NACC2: variants seen among roughly 807,000 people sequenced by gnomAD.
NACC2 encodes the protein NACC family member 2.
A neutral mutation model predicts 25.1 loss-of-function variants in NACC2; 8 were observed. That is an observed-to-expected ratio of 0.32 (90% CI 0.19 to 0.57). The LOEUF (loss-of-function observed/expected upper bound fraction) is 0.57. Among genes scored for constraint, NACC2 ranks in the 20% least tolerant of loss-of-function variants. The pLI is 0.89. For synonymous variants in NACC2, 435 were observed against 294.7 expected, an observed-to-expected ratio of 1.48 and a Z score of -4.88; for missense variants, 644 against 650.2, an observed-to-expected ratio of 0.99 and a Z score of 0.10.
chr9:136,053,731 G>A (rs1196684961), intron 1 of NACC2, among the ~76,000 whole-genome samples: 2 of 152,246 alleles, frequency 1.3e-5, no homozygotes, highest in Non-Finnish European at 2.9e-5. Context: ...CGTGGCTTCT[G>A]TTGTGGGCAA....
chr9:136,043,834 T>C (rs1840681811), intron 2 of NACC2, among the ~76,000 whole-genome samples: 1 of 152,140 alleles, frequency 6.6e-6, no homozygotes, highest in Non-Finnish European at 1.5e-5. Context: ...TTGGTTTTTG[T>C]TTTTTGGTTG....
chr9:136,058,064 A>C (rs998228875), intron 1 of NACC2, among the ~76,000 whole-genome samples: 1 of 152,142 alleles, frequency 6.6e-6, no homozygotes, highest in Non-Finnish European at 1.5e-5. Context: ...ACTCTCATGT[A>C]AATCAGAGCG....
At chr9:136,053,635 T>C (rs1399455895) in intron 1 of NACC2, among the ~76,000 whole-genome samples, 30 of 152,264 alleles carry the variant, frequency 2.0e-4, no homozygotes, top group Admixed American at 1.8e-3. Flanking sequence ...GAGGGGCCTG[T>C]GCAACACAGC....
chr9:136,017,981 C>T (rs915226109), intron 2 of NACC2, among the ~76,000 whole-genome samples: 3 of 152,156 alleles, frequency 2.0e-5, no homozygotes, highest in Non-Finnish European at 2.9e-5. Flanking sequence ...GGCATGGTCC[C>T]CTCGGCAGCC....
At chr9:136,081,241 G>A (rs560947890) in intron 1 of NACC2, among the ~76,000 whole-genome samples, 26 of 152,246 alleles carry the variant, frequency 1.7e-4, no homozygotes, top group Non-Finnish European at 1.5e-5. Flanking sequence ...CAGTCCCGAC[G>A]GGCACTGGGG....
At chr9:136,094,527 G>GC (rs1018791714) in intron 1 of NACC2, among the ~76,000 whole-genome samples, 5 of 152,074 alleles carry the variant, frequency 3.3e-5, no homozygotes, top group South Asian at 4.1e-4. Flanking sequence ...AGGAGCTGGG[G>GC]CCCCCCGACC....
chr9:136,049,500 C>A (rs1840781537), intron 2 of NACC2, 136 bp downstream of exon 2: 9 of 602,492 alleles, frequency 1.5e-5, no homozygotes, highest in South Asian at 1.3e-4. Flanking sequence ...AGAGCTCTGC[C>A]ACCTCCTCCA....
intron 1 of NACC2, among the ~76,000 whole-genome samples, chr9:136,075,071 T>C (rs1298041339): frequency 6.6e-6 from 1 of 152,200 alleles, no homozygotes; most frequent in African/African-American, 2.4e-5. Context: ...ACGCTCTTGG[T>C]TCTGCGTGAA....
intron 2 of NACC2, among the ~76,000 whole-genome samples, chr9:136,048,052 G>A (rs1840755775): frequency 6.6e-6 from 1 of 152,184 alleles, no homozygotes. Context: ...TGACCCGTCG[G>A]CAACCCGTCG....
At chr9:136,093,707 G>A (rs1292496278) in intron 1 of NACC2, among the ~76,000 whole-genome samples, 3 of 152,160 alleles carry the variant, frequency 2.0e-5, no homozygotes, top group Non-Finnish European at 4.4e-5. Context: ...GTGACCCCAG[G>A]GGAAAACGCC....
intron 3 of NACC2, among the ~76,000 whole-genome samples, chr9:136,015,631 G>A (rs147679373): frequency 1.1e-4 from 16 of 152,330 alleles, no homozygotes; most frequent in African/African-American, 3.1e-4. Context: ...TGTGGCCAAG[G>A]AAAGCGCCTG....
At chr9:136,080,586 AAT>A (rs1332513626) in intron 1 of NACC2, among the ~76,000 whole-genome samples, 2 of 150,290 alleles carry the variant, frequency 1.3e-5, no homozygotes, top group Non-Finnish European at 3.0e-5. Context: ...ACCCTGCTCC[AAT>A]AAAAAAACTC....
intron 2 of NACC2, among the ~76,000 whole-genome samples, chr9:136,021,377 C>G (rs751667210): frequency 3.9e-5 from 6 of 152,144 alleles, no homozygotes; most frequent in Non-Finnish European, 8.8e-5. Flanking sequence ...CAAGTGCCGG[C>G]GAGGATGCGG....
chr9:136,062,684 G>C (rs577478787), intron 1 of NACC2, among the ~76,000 whole-genome samples: 47 of 152,310 alleles, frequency 3.1e-4, no homozygotes, highest in Middle Eastern at 3.4e-3. Flanking sequence ...GGAGGTCAGC[G>C]GGGGTGGACT....
intron 1 of NACC2, among the ~76,000 whole-genome samples, chr9:136,057,932 C>T (rs755837397): frequency 3.3e-5 from 5 of 152,152 alleles, no homozygotes; most frequent in Non-Finnish European, 7.3e-5. Context: ...CCATTAGAGA[C>T]GGCGACTTCG....
intron 1 of NACC2, among the ~76,000 whole-genome samples, chr9:136,092,523 G>C (rs752971717): frequency 5.9e-5 from 9 of 152,194 alleles, no homozygotes; most frequent in Non-Finnish European, 1.2e-4. Context: ...CTTCTCCTTC[G>C]AGCCACGCCT....
Position 136,009,713 on chromosome 9 carries a change from T to C in NACC2, c.*1803A>G, listed in dbSNP as rs922950226. On this transcript the variant is annotated 3_prime_UTR_variant, in exon 6 of 6. Coordinates refer to ENST00000277554, the MANE Select transcript of NACC2 (RefSeq NM_144653.5). ...GGGAATGCGTCTAACCCACACCCTGTAGGTCCCCAGGCCAGGGTGCAGCAC... is the reference window on the plus strand; with the variant it reads ...GGGAATGCGTCTAACCCACACCCTGCAGGTCCCCAGGCCAGGGTGCAGCAC... 6.6e-6 allele frequency: 1 copy of C among 152,240 alleles called. No homozygotes were observed. The highest frequency in any genetic ancestry group is 1.5e-5 in the Non-Finnish European group (1 of 68,088). The allele number at this position is 152,240 out of a possible 1,614,324, so 9.4% of individuals were successfully genotyped here.
chr9:136,092,278 T>A (rs1830441230), intron 1 of NACC2, among the ~76,000 whole-genome samples: 1 of 152,062 alleles, frequency 6.6e-6, no homozygotes, highest in Non-Finnish European at 1.5e-5. Flanking sequence ...CTGCAGACAC[T>A]CACCGCCGGG....
chr9:136,047,328 G>A (rs1479901461), intron 2 of NACC2, among the ~76,000 whole-genome samples: 1 of 152,178 alleles, frequency 6.6e-6, no homozygotes, highest in African/African-American at 2.4e-5. Flanking sequence ...AGCGACGCCA[G>A]CAACGTCACA....
Sources: gnomAD v4.1 joint callset for allele counts (sites outside exome capture counted in the v4.1 genomes callset) on GRCh38, gnomAD v4.1.1 for gene constraint, MANE v1.5 for transcripts, NCBI Gene and HGNC (gene_info 2026-07-23, HGNC 2026-07-21) for gene names.